The following BLVRB variants were observed in gnomAD, a reference collection of about 807,000 sequenced individuals.
BLVRB encodes the protein flavin reductase (NADPH).
Under a neutral mutation model 21.1 loss-of-function variants are expected in BLVRB, and 25 were observed. The observed-to-expected ratio is 1.19, with a 90% CI of 0.86 to 1.66. BLVRB has a LOEUF of 1.66. BLVRB is among the 40% of genes most tolerant of loss of function. The pLI is 0.00. For missense variants in BLVRB, 274 were observed against 282.7 expected (o/e 0.97, Z 0.22); for synonymous variants, 128 against 122.2 (o/e 1.05, Z -0.31).
intron 3 of BLVRB, among the ~76,000 whole-genome samples, chr19:40,452,158 C>G (rs896675731): frequency 8.5e-5 from 13 of 152,124 alleles, no homozygotes; most frequent in African/African-American, 3.1e-4. Context: ...GTCCCCATGG[C>G]CAGCCCTCAA....
rs1568735654 is a variant in BLVRB at position 40,448,620 on chromosome 19, TATATATATATATATATATATA to T, written c.464-595_464-575del. Reference sequence around the variant, plus strand: ...AACAACAACAACAAATATATATATATATATATATATATATATATATATATTTGTCAGATAGATATATATCTG... The same window carrying T: ...AACAACAACAACAAATATATATATATTATTTGTCAGATAGATATATATCTG... On this transcript the variant is annotated intron_variant, in intron 4 of 4. Transcript: ENST00000263368. Among the ~76,000 whole-genome samples, 148 of 47,610 alleles carry T rather than the reference TATATATATATATATATATATA, an allele frequency of 3.1e-3. 3 individuals are homozygous for T. The highest frequency in any genetic ancestry group is 6.0e-3 in the East Asian group (20 of 3,336). 31.2% of individuals were successfully genotyped at this position (47,610 alleles called of 152,430 possible).
Position 40,447,809 on chromosome 19 carries a change from G to C in BLVRB, c.*80C>G, listed in dbSNP as rs1345082508. ...GTCGGTTTCTCTAGAGTAATTTGAA[G>C]CTCTTGGCTCAACATTTATTGCCCC... On this transcript the variant is annotated 3_prime_UTR_variant, in exon 5 of 5. Transcript: ENST00000263368. 2.0e-6 allele frequency: 3 copies of C among 1,497,276 alleles called. No individual in the cohort carries two copies. The highest frequency in any genetic ancestry group is 2.7e-6 in the Non-Finnish European group (3 of 1,094,886). The allele number at this position is 1,497,276 out of a possible 1,614,324, so 92.7% of individuals were successfully genotyped here. A position where few individuals can be genotyped will look rare whatever the true frequency, so the allele number is the denominator to read the frequency against.
chr19:40,461,742 C>T lies in BLVRB; in HGVS notation c.80-3197G>A, dbSNP rs1482181821. 3.3e-5 allele frequency among the ~76,000 whole-genome samples: 5 copies of T among 152,100 alleles called. No homozygotes were observed. The East Asian group carries it at 9.6e-4, about 29-fold the overall frequency. ...GTCTCGAACTCCTGACTGTGTGATC[C>T]ACCTGCCTCAGCCCCCCAAAGTGTT... On this transcript the variant is annotated intron_variant, in intron 1 of 4. Coordinates refer to ENST00000263368, the MANE Select transcript of BLVRB (RefSeq NM_000713.3).
At chr19:40,453,743 G>C (rs556297022) in intron 3 of BLVRB, among the ~76,000 whole-genome samples, 1 of 152,306 alleles carries the variant, frequency 6.6e-6, no homozygotes, top group Admixed American at 6.5e-5. Context: ...TGTAATCCCA[G>C]CACTTTGGGA....
intron 4 of BLVRB, among the ~76,000 whole-genome samples, chr19:40,448,610 T>C (rs977919950): frequency 0.053 from 1,502 of 28,222 alleles, 8 homozygotes; most frequent in South Asian, 0.14. Context: ...CAACAACAAA[T>C]ATATATATAT....
chr19:40,453,386 C>T (rs1386123316), intron 3 of BLVRB, among the ~76,000 whole-genome samples: 2 of 152,158 alleles, frequency 1.3e-5, no homozygotes, highest in African/African-American at 2.4e-5. Context: ...GACCCTTCCC[C>T]TGCCACCACA....
At chr19:40,448,610 T>A (rs977919950) in intron 4 of BLVRB, among the ~76,000 whole-genome samples, 1,072 of 28,284 alleles carry the variant, frequency 0.038, 1 homozygote, top group East Asian at 0.15. Context: ...CAACAACAAA[T>A]ATATATATAT....
intron 3 of BLVRB, among the ~76,000 whole-genome samples, chr19:40,452,801 G>A (rs1378005057): frequency 1.3e-5 from 2 of 151,998 alleles, no homozygotes; most frequent in African/African-American, 4.8e-5. Context: ...TGAGGCGGAG[G>A]TTGCAGTGAG....
chr19:40,460,611 A>ATTAAT (rs1555806420), intron 1 of BLVRB, among the ~76,000 whole-genome samples: 4 of 149,588 alleles, frequency 2.7e-5, no homozygotes, highest in African/African-American at 7.4e-5. Flanking sequence ...AAATAAATAA[A>ATTAAT]TAAATTAAAT....
chr19:40,453,174 ATGC>A (rs2079748450), intron 3 of BLVRB, among the ~76,000 whole-genome samples: 1 of 152,168 alleles, frequency 6.6e-6, no homozygotes, highest in African/African-American at 2.4e-5. Context: ...ACCTCCTAAA[ATGC>A]TGCGATTACA....
At chr19:40,464,018 C>T (rs1194890667) in intron 1 of BLVRB, among the ~76,000 whole-genome samples, 4 of 152,114 alleles carry the variant, frequency 2.6e-5, no homozygotes, top group African/African-American at 9.7e-5. Context: ...CCACCTGCCT[C>T]AGCCTCCCAA....
intron 3 of BLVRB, among the ~76,000 whole-genome samples, chr19:40,455,890 T>C (rs1429740018): frequency 3.3e-5 from 5 of 152,010 alleles, no homozygotes; most frequent in Admixed American, 1.3e-4. Context: ...GGCTGGTGGA[T>C]CGCTTGAGTC....
chr19:40,451,303 C>T, intron 4 of BLVRB, 61 bp downstream of exon 4: 1 of 1,565,472 alleles, frequency 6.4e-7, no homozygotes. Flanking sequence ...GCAGATCTCC[C>T]CAGAGGGCAG....
At chr19:40,450,850 C>G (rs1397007578) in intron 4 of BLVRB, among the ~76,000 whole-genome samples, 2 of 147,540 alleles carry the variant, frequency 1.4e-5, no homozygotes, top group Non-Finnish European at 1.5e-5. Flanking sequence ...ATGTATCTAT[C>G]TATCTATCTA....
intron 4 of BLVRB, among the ~76,000 whole-genome samples, chr19:40,451,007 A>G (rs1403809988): frequency 6.6e-6 from 1 of 151,816 alleles, no homozygotes; most frequent in Non-Finnish European, 1.5e-5. Flanking sequence ...AATGGATTAA[A>G]CCATTAGCCA....
chr19:40,456,704 T>C (rs1342430719), intron 3 of BLVRB, among the ~76,000 whole-genome samples: 1 of 152,086 alleles, frequency 6.6e-6, no homozygotes, highest in Non-Finnish European at 1.5e-5. Context: ...CTGGCCAACA[T>C]GGCAAAACCT....
chr19:40,465,531 T>G, intron 1 of BLVRB, 79 bp downstream of exon 1: 1 of 1,528,324 alleles, frequency 6.5e-7, no homozygotes, highest in African/African-American at 1.4e-5. Context: ...CCAATCAGCC[T>G]CGGCCCGACC....
rs1356611601 is a variant in BLVRB at position 40,451,411 on chromosome 19, A to G, written c.416T>C (p.Leu139Pro). The G allele has an allele frequency of 1.2e-6, 2 of 1,612,338 alleles. No homozygotes were observed. Among genetic ancestry groups the G allele is most frequent in the Non-Finnish European group, 1.7e-6 (2 of 1,179,460 alleles). ...CACGTACTTCAGGCCTGATTCCCGC[A>G]GCACCTTGTGCATCCGGATGTGGTC... ...TDDHIRMHKV[L>P]RESGLKYVAV... is the part of the protein sequence containing the mutation. The change falls in exon 4 of 5, where the codon CTG becomes CCG. Residue 139 changes from leucine to proline, a missense_variant. Transcript: ENST00000263368.
rs1486043517 is a variant in BLVRB, at chr19:40,452,937, T to C, written c.335-1445A>G. Among the ~76,000 whole-genome samples, 5 of 151,124 alleles carry C rather than the reference T, an allele frequency of 3.3e-5. No homozygotes were observed. In the East Asian group the frequency reaches 9.7e-4, roughly 29 times the overall value. Reference sequence around the variant, plus strand: ...TTAGCCAGGTGTCGTGGTGCATGCCTGTAATCCCAGCTATTCTCAGGAAGC... The same window carrying C: ...TTAGCCAGGTGTCGTGGTGCATGCCCGTAATCCCAGCTATTCTCAGGAAGC... On this transcript the variant is annotated intron_variant, in intron 3 of 4. Coordinates refer to ENST00000263368, the MANE Select transcript of BLVRB (RefSeq NM_000713.3).
Sources: gnomAD v4.1 joint callset for allele counts (sites outside exome capture counted in the v4.1 genomes callset) on GRCh38, gnomAD v4.1.1 for gene constraint, MANE v1.5 for transcripts, NCBI Gene and HGNC (gene_info 2026-07-23, HGNC 2026-07-21) for gene names.